LRBA: variants seen among roughly 807,000 people sequenced by gnomAD.
LRBA encodes the protein lipopolysaccharide-responsive and beige-like anchor protein.
Under a neutral mutation model 330.0 loss-of-function variants are expected in LRBA, and 176 were observed. That is an observed-to-expected ratio of 0.53 (90% CI 0.47 to 0.60). LRBA has a LOEUF of 0.60. Ranked by LOEUF, LRBA falls within the 20% of genes least tolerant of loss-of-function variation. The pLI, the probability that LRBA is intolerant of heterozygous loss-of-function variation, is 0.00. For missense variants in LRBA, 3,259 were observed against 3,444.8 expected, an observed-to-expected ratio of 0.95 and a Z score of 1.35; for synonymous variants, 1,230 against 1,193.0, an observed-to-expected ratio of 1.03 and a Z score of -0.64.
intron 37 of LRBA, among the ~76,000 whole-genome samples, chr4:150,671,000 A>ATGTGTGTGTG (rs57937053): frequency 0.038 from 4,020 of 106,358 alleles, 80 homozygotes; most frequent in African/African-American, 0.057. Context: ...AACATAGCTG[A>ATGTGTGTGTG]TGTGTGTGTG....
intron 47 of LRBA, among the ~76,000 whole-genome samples, chr4:150,360,440 T>C (rs558878874): frequency 6.6e-6 from 1 of 152,284 alleles, no homozygotes; most frequent in South Asian, 2.1e-4. Flanking sequence ...AGAAATCTGG[T>C]ATACATTTTA....
At chr4:150,626,072 C>T (rs779588037) in intron 37 of LRBA, among the ~76,000 whole-genome samples, 1 of 151,726 alleles carries the variant, frequency 6.6e-6, no homozygotes, top group Non-Finnish European at 1.5e-5. Flanking sequence ...ATTAATCAAA[C>T]GAACTGGCCT....
chr4:150,871,168 G>A (rs1173020590), intron 19 of LRBA, among the ~76,000 whole-genome samples, 177 bp downstream of exon 19: 18 of 152,086 alleles, frequency 1.2e-4, no homozygotes, highest in African/African-American at 2.7e-4. Flanking sequence ...ACTTGAACCC[G>A]GGAGGTGGAG....
At chr4:150,614,870 A>G (rs2126595762) in intron 37 of LRBA, among the ~76,000 whole-genome samples, 1 of 152,352 alleles carries the variant, frequency 6.6e-6, no homozygotes, top group Non-Finnish European at 1.5e-5. Flanking sequence ...TTTAAACTAT[A>G]CAAAGAGGCA....
chr4:150,712,960 AG>A (rs1786380562), intron 36 of LRBA, among the ~76,000 whole-genome samples: 1 of 152,130 alleles, frequency 6.6e-6, no homozygotes, highest in South Asian at 2.1e-4. Context: ...GTTTTGAGAT[AG>A]GGCTTTGCTC....
intron 40 of LRBA, chr4:150,580,494 T>C (rs2126358771): frequency 6.6e-6 from 1 of 152,226 alleles, no homozygotes; most frequent in East Asian, 1.9e-4. Flanking sequence ...AGAGGGTAAG[T>C]CAAGCCCTCC....
intron 47 of LRBA, among the ~76,000 whole-genome samples, chr4:150,405,551 A>G (rs567014222): frequency 6.6e-6 from 1 of 152,284 alleles, no homozygotes; most frequent in Admixed American, 6.5e-5. Context: ...AATACAATTA[A>G]TAGATATTTT....
At chr4:150,406,342 TA>T (rs1418223839) in intron 47 of LRBA, among the ~76,000 whole-genome samples, 1 of 152,196 alleles carries the variant, frequency 6.6e-6, no homozygotes, top group Non-Finnish European at 1.5e-5. Flanking sequence ...TGGATTGTGC[TA>T]TTATTATGCT....
intron 29 of LRBA, among the ~76,000 whole-genome samples, chr4:150,828,937 G>GTA (rs1207523462): frequency 2.0e-5 from 3 of 149,174 alleles, no homozygotes; most frequent in Admixed American, 6.6e-5. Context: ...GTGTGTGTGT[G>GTA]TGTGTGTGTG....
chr4:150,635,553 T>C (rs1396312902), intron 37 of LRBA, among the ~76,000 whole-genome samples: 3 of 152,232 alleles, frequency 2.0e-5, no homozygotes, highest in Admixed American at 1.3e-4. Flanking sequence ...TTAAGGCTTG[T>C]TGTATATGAA....
chr4:150,366,644 C>A (rs545323403), intron 47 of LRBA, among the ~76,000 whole-genome samples: 1 of 152,222 alleles, frequency 6.6e-6, no homozygotes, highest in Non-Finnish European at 1.5e-5. Context: ...CACTAATGAG[C>A]CTCAAGTACC....
intron 44 of LRBA, among the ~76,000 whole-genome samples, chr4:150,438,376 G>A (rs574874086): frequency 3.3e-5 from 5 of 152,092 alleles, no homozygotes; most frequent in African/African-American, 4.8e-5. Flanking sequence ...CCAGCTACTC[G>A]GGAGGCTGAG....
intron 37 of LRBA, among the ~76,000 whole-genome samples, chr4:150,633,503 T>C (rs185869965): frequency 5.9e-5 from 9 of 152,302 alleles, no homozygotes; most frequent in African/African-American, 2.2e-4. Context: ...AAAACCAAAT[T>C]AATGACCTTC....
At chr4:150,908,233 T>C in intron 11 of LRBA, 101 bp downstream of exon 11, 1 of 1,168,792 alleles carries the variant, frequency 8.6e-7, no homozygotes, top group Admixed American at 2.6e-5. Flanking sequence ...AAGTTTAAAT[T>C]ATTTTGACAC....
rs180811726 is a variant in LRBA, at chr4:150,554,233, C to G, written c.6330+33815G>C. 5.9e-3 allele frequency among the ~76,000 whole-genome samples: 865 copies of G among 145,644 alleles called. 5 individuals are homozygous for G. Among genetic ancestry groups the G allele is most frequent in the Non-Finnish European group, 0.011 (678 of 63,758 alleles). ...ATTGATTTCATCCCCATATCTGTAA[C>G]TTTCACAGGGGAAAGAGGGGTAAGA... On this transcript the variant is annotated intron_variant, in intron 40 of 56. Coordinates refer to ENST00000651943, the MANE Select transcript of LRBA (RefSeq NM_001364905.1).
At chr4:150,414,158 A>C (rs1448989175) in intron 47 of LRBA, among the ~76,000 whole-genome samples, 1 of 152,192 alleles carries the variant, frequency 6.6e-6, no homozygotes, top group Non-Finnish European at 1.5e-5. Flanking sequence ...AAATGAAAAA[A>C]CCAAAGCTCA....
At chr4:150,773,872 A>G (rs1736909807) in intron 34 of LRBA, among the ~76,000 whole-genome samples, 1 of 152,136 alleles carries the variant, frequency 6.6e-6, no homozygotes, top group Admixed American at 6.5e-5. Context: ...TGGCCCCCAT[A>G]AGCTTCCCTG....
intron 7 of LRBA, among the ~76,000 whole-genome samples, 167 bp from the exon 8 acceptor site, chr4:150,915,894 G>A (rs1234401907): frequency 6.6e-6 from 1 of 151,904 alleles, no homozygotes; most frequent in Admixed American, 6.6e-5. Flanking sequence ...ATCTATTCAT[G>A]GGCCTTTCAA....
intron 36 of LRBA, among the ~76,000 whole-genome samples, chr4:150,689,331 G>A (rs1392104619): frequency 6.6e-6 from 1 of 152,054 alleles, no homozygotes; most frequent in Admixed American, 6.6e-5. Flanking sequence ...CAAGGGGAGG[G>A]ATAGCATTAA....
Sources: allele counts gnomAD v4.1 joint callset (sites outside exome capture counted in the v4.1 genomes callset), GRCh38; gene constraint gnomAD v4.1.1; transcripts MANE v1.5; gene names NCBI Gene and HGNC (gene_info 2026-07-23, HGNC 2026-07-21).